Variants in ACOT12 observed in about 807,000 individuals in gnomAD.
ACOT12 encodes acetyl-coenzyme A thioesterase.
A neutral mutation model predicts 67.7 loss-of-function variants in ACOT12; 51 were observed. That is an observed-to-expected ratio of 0.75 (90% CI 0.60 to 0.95). The LOEUF is 0.95. Among genes scored for constraint, ACOT12 ranks in the 40% least tolerant of loss-of-function variants. ACOT12 has a pLI of 0.00. For synonymous variants in ACOT12, 251 were observed against 244.6 expected (o/e 1.03, Z -0.24); for missense variants, 734 against 708.1 (o/e 1.04, Z -0.41).
chr5:81,384,108 A>G (rs1357703356), intron 2 of ACOT12, among the ~76,000 whole-genome samples: 1 of 146,844 alleles, frequency 6.8e-6, no homozygotes, highest in Non-Finnish European at 1.5e-5. Context: ...AGTGCCCTAC[A>G]TAGGTGTACT....
At position 81,330,343 on chromosome 5, in the gene ACOT12, G is replaced by T. The variant is rs1312455501; in HGVS notation, c.*51C>A. 3 of 1,583,570 alleles carry T rather than the reference G, an allele frequency of 1.9e-6. No individual in the cohort carries two copies. The highest frequency in any genetic ancestry group is 8.6e-7 in the Non-Finnish European group (1 of 1,160,660). On this transcript the variant is annotated 3_prime_UTR_variant, in exon 15 of 15. Transcript: ENST00000307624. ...CTTGACAGATGTCAGGGCTAAGGGTGCTTGGAATTAAAAGTGGGAAATTAA... is the reference window on the plus strand; with the variant it reads ...CTTGACAGATGTCAGGGCTAAGGGTTCTTGGAATTAAAAGTGGGAAATTAA...
intron 2 of ACOT12, among the ~76,000 whole-genome samples, chr5:81,376,116 G>T (rs2153857084): frequency 6.6e-6 from 1 of 152,148 alleles, no homozygotes; most frequent in African/African-American, 2.4e-5. Context: ...AAATGCAAAA[G>T]AACGGAAATC....
At chr5:81,321,064 T>C in the ACOT12 span, among the ~76,000 whole-genome samples, 2 of 152,254 alleles carry the variant, frequency 1.3e-5, no homozygotes, top group African/African-American at 4.8e-5. Flanking sequence ...AAGACCGGCC[T>C]GGGCAACATG....
chr5:81,384,353 G>A (rs1033639053), intron 2 of ACOT12, among the ~76,000 whole-genome samples: 3 of 152,048 alleles, frequency 2.0e-5, no homozygotes, highest in Middle Eastern at 3.4e-3. Flanking sequence ...GGCCAGGCTG[G>A]TTTTGAACTG....
intron 4 of ACOT12, among the ~76,000 whole-genome samples, chr5:81,360,703 C>A (rs1759878103): frequency 6.6e-6 from 1 of 152,132 alleles, no homozygotes; most frequent in Admixed American, 6.5e-5. Flanking sequence ...ACTGGGGTAG[C>A]TCCATGCTTG....
chr5:81,348,892 C>T (rs1580547635), intron 5 of ACOT12, among the ~76,000 whole-genome samples: 2 of 152,180 alleles, frequency 1.3e-5, no homozygotes, highest in South Asian at 4.1e-4. Flanking sequence ...ATATCTGCTC[C>T]GTTTACTAAC....
intron 2 of ACOT12, among the ~76,000 whole-genome samples, chr5:81,384,107 C>A (rs115307134): frequency 1.4e-5 from 2 of 146,928 alleles, no homozygotes; most frequent in South Asian, 2.2e-4. Flanking sequence ...AAGTGCCCTA[C>A]ATAGGTGTAC....
chr5:81,322,898 G>A, the ACOT12 span, among the ~76,000 whole-genome samples: 190 of 152,104 alleles, frequency 1.2e-3, no homozygotes, highest in African/African-American at 4.4e-3. Flanking sequence ...GGGAGAATTC[G>A]CCTCATGATT....
At position 81,344,160 on chromosome 5, in the gene ACOT12, C is replaced by T. The variant is rs1316521110; in HGVS notation, c.980G>A (p.Arg327Lys). The change falls in exon 9 of 15, where the codon AGA becomes AAA. Residue 327 changes from arginine to lysine, a missense_variant and splice_region_variant. Coordinates refer to ENST00000307624, the MANE Select transcript of ACOT12 (RefSeq NM_130767.3). ...AATCATTACACCTTATGTTCCTTAC[C>T]TGCCTAGGCGAATTCGCTTGCGTGC... ...AIARKRIRLG[R>K]KYVISHKEEV... The T allele has an allele frequency of 6.2e-7, 1 of 1,613,588 alleles. No homozygotes were observed. Among genetic ancestry groups the T allele is most frequent in the Admixed American group, 1.7e-5 (1 of 59,932 alleles).
At chr5:81,355,982 G>A (rs1467365849) in intron 5 of ACOT12, among the ~76,000 whole-genome samples, 2 of 152,132 alleles carry the variant, frequency 1.3e-5, no homozygotes, top group South Asian at 2.1e-4. Context: ...GTCCCTCACC[G>A]TCCACATGTC....
downstream of ACOT12, among the ~76,000 whole-genome samples, chr5:81,327,692 T>A (rs1758707653): frequency 6.6e-6 from 1 of 152,182 alleles, no homozygotes; most frequent in Admixed American, 6.5e-5. Flanking sequence ...CCACCCGCCT[T>A]GGCCTCCCAA....
At chr5:81,325,700 C>T (rs1758657571), downstream of ACOT12, among the ~76,000 whole-genome samples, 1 of 152,100 alleles carries the variant, frequency 6.6e-6, no homozygotes, top group African/African-American at 2.4e-5. Context: ...GGTGCTTCAT[C>T]CTTGCAGGTG....
rs1759853681 is a variant in ACOT12, at chr5:81,359,987, T to G, written c.412A>C (p.Asn138His). The G allele has an allele frequency of 6.2e-7, 1 of 1,612,760 alleles. No individual in the cohort carries two copies. Among genetic ancestry groups the G allele is most frequent in the East Asian group, 2.2e-5 (1 of 44,802 alleles). ...ACTTTCCTTCTCTCAGCAGCCAGAT[T>G]ATGTTCCACATGATCTTGTTCAGTT... Reference protein sequence around the residue: ...LLTEQDHVEHNLAAERRKVRL... With the variant: ...LLTEQDHVEHHLAAERRKVRL... The change falls in exon 5 of 15, where the codon AAT (asparagine) becomes CAT (histidine). Residue 138 changes from asparagine (N) to histidine (H), a missense_variant. By Grantham distance (68) the Asn-to-His change is moderately conservative. Coordinates refer to ENST00000307624, the MANE Select transcript of ACOT12 (RefSeq NM_130767.3).
intron 3 of ACOT12, among the ~76,000 whole-genome samples, chr5:81,367,116 A>G (rs1162052269): frequency 6.6e-6 from 1 of 152,234 alleles, no homozygotes; most frequent in Non-Finnish European, 1.5e-5. Flanking sequence ...GAATATGAGC[A>G]TCTTTTAAAT....
intron 2 of ACOT12, among the ~76,000 whole-genome samples, chr5:81,381,076 T>C (rs1395659614): frequency 2.6e-5 from 4 of 152,074 alleles, no homozygotes; most frequent in Non-Finnish European, 5.9e-5. Context: ...ACCTTTTTTT[T>C]TTTTTTAGAG....
intron 11 of ACOT12, among the ~76,000 whole-genome samples, chr5:81,337,021 T>C (rs1192142353): frequency 6.6e-6 from 1 of 152,218 alleles, no homozygotes; most frequent in Non-Finnish European, 1.5e-5. Flanking sequence ...TGTGAGCACT[T>C]ATCAAACACC....
chr5:81,366,580 A>G (rs1393055122), intron 3 of ACOT12, among the ~76,000 whole-genome samples: 3 of 152,186 alleles, frequency 2.0e-5, no homozygotes, highest in Non-Finnish European at 4.4e-5. Flanking sequence ...ACACAGACAA[A>G]ACATAAATTA....
chr5:81,384,126 T>C (rs1213248953), intron 2 of ACOT12, among the ~76,000 whole-genome samples: 2 of 149,322 alleles, frequency 1.3e-5, no homozygotes, highest in African/African-American at 4.9e-5. Context: ...ACTTTTTTTT[T>C]TTTTTTTTTT....
chr5:81,323,940 G>GTA, the ACOT12 span, among the ~76,000 whole-genome samples: 24 of 132,532 alleles, frequency 1.8e-4, no homozygotes, highest in South Asian at 4.7e-4. Context: ...ACATATATGT[G>GTA]TATATATATA....
Sources: allele counts gnomAD v4.1 joint callset (sites outside exome capture counted in the v4.1 genomes callset), GRCh38; gene constraint gnomAD v4.1.1; transcripts MANE v1.5; gene names NCBI Gene and HGNC (gene_info 2026-07-23, HGNC 2026-07-21).